NBDY: variants seen among roughly 807,000 people sequenced by gnomAD.
NBDY encodes the protein negative regulator of P-body association, also known as P-body dissociating protein.
chrX:56,782,934 A>G lies in NBDY; in HGVS notation c.*167-34386A>G, dbSNP rs777136801. Among the ~76,000 whole-genome samples the G allele has an allele frequency of 6.2e-5, 7 of 112,523 alleles. No homozygotes were observed. In the South Asian group the frequency reaches 2.2e-3, roughly 35 times the overall value. On this transcript the variant is annotated intron_variant, in intron 2 of 2. Coordinates refer to ENST00000374922, the MANE Select transcript of NBDY (RefSeq NM_001348129.2). Reference sequence around the variant, plus strand: ...GAGACTCATGCACACACAGACACAAACACACACATTAAACACGCCTAAGCG... The same window carrying G: ...GAGACTCATGCACACACAGACACAAGCACACACATTAAACACGCCTAAGCG...
chrX:56,782,045 C>A (rs2069694928), intron 2 of NBDY, among the ~76,000 whole-genome samples: 1 of 111,201 alleles, frequency 9.0e-6, no homozygotes, highest in African/African-American at 3.3e-5. Flanking sequence ...TGATCCCACT[C>A]AGGAAAGATC....
chrX:56,753,747 T>A (rs776995433), intron 2 of NBDY, among the ~76,000 whole-genome samples: 1 of 110,554 alleles, frequency 9.0e-6, no homozygotes, highest in Non-Finnish European at 1.9e-5. Flanking sequence ...AATATTTTTA[T>A]AAGAGAAGGA....
At chrX:56,760,512 C>T (rs2069632654) in intron 2 of NBDY, among the ~76,000 whole-genome samples, 1 of 111,852 alleles carries the variant, frequency 8.9e-6, no homozygotes, top group Admixed American at 9.5e-5. Context: ...ATGGAGAAAC[C>T]CTGTCTCTAT....
intron 2 of NBDY, among the ~76,000 whole-genome samples, chrX:56,781,545 G>C (rs1418944211): frequency 8.9e-6 from 1 of 112,117 alleles, no homozygotes; most frequent in African/African-American, 3.3e-5. Context: ...TCCATATGAT[G>C]AACTCTGCTT....
chrX:56,801,120 C>A (rs182819826), intron 2 of NBDY, among the ~76,000 whole-genome samples: 2 of 111,365 alleles, frequency 1.8e-5, no homozygotes, highest in Non-Finnish European at 3.8e-5. Flanking sequence ...TGATACCACT[C>A]GGAAAAGAAC....
chrX:56,736,270 AT>A (rs1023556180), intron 2 of NBDY, among the ~76,000 whole-genome samples: 2 of 111,487 alleles, frequency 1.8e-5, no homozygotes, highest in Non-Finnish European at 3.8e-5. Context: ...GAATAATTCT[AT>A]TTTTTTCTTT....
At chrX:56,741,597 C>A (rs753765244) in intron 2 of NBDY, among the ~76,000 whole-genome samples, 1 of 111,864 alleles carries the variant, frequency 8.9e-6, no homozygotes, top group Non-Finnish European at 1.9e-5. Flanking sequence ...TGATCAACTA[C>A]AATGAGTACT....
chrX:56,815,531 T>G (rs1303080133), intron 2 of NBDY, among the ~76,000 whole-genome samples: 2 of 111,768 alleles, frequency 1.8e-5, no homozygotes, highest in Admixed American at 1.9e-4. Context: ...TTTGGAGAAT[T>G]GTTTACTGAA....
chrX:56,744,507 C>A (rs1228197969), intron 2 of NBDY, among the ~76,000 whole-genome samples: 2 of 110,822 alleles, frequency 1.8e-5, no homozygotes, highest in East Asian at 5.6e-4. Flanking sequence ...TTTCTTTTAT[C>A]TTTTACAAAA....
At chrX:56,745,646 T>C (rs1277872266) in intron 2 of NBDY, among the ~76,000 whole-genome samples, 1 of 111,493 alleles carries the variant, frequency 9.0e-6, no homozygotes, top group East Asian at 2.8e-4. Flanking sequence ...TTATTTGTTT[T>C]GGTCCAGGAT....
intron 2 of NBDY, among the ~76,000 whole-genome samples, chrX:56,747,406 G>A (rs773488940): frequency 9.0e-6 from 1 of 111,684 alleles, no homozygotes; most frequent in East Asian, 2.8e-4. Context: ...GAGGTACTAA[G>A]TAAGGATGGA....
At chrX:56,739,283 T>TA (rs2069518908) in intron 2 of NBDY, among the ~76,000 whole-genome samples, 1 of 65,061 alleles carries the variant, frequency 1.5e-5, no homozygotes, top group Non-Finnish European at 2.6e-5. Flanking sequence ...TATATATATT[T>TA]TTATATATAT....
chrX:56,729,277 G>T lies in NBDY; in HGVS notation c.-77G>T, dbSNP rs2069445792. On this transcript the variant is annotated 5_prime_UTR_variant, in exon 1 of 3. Coordinates refer to ENST00000374922, the MANE Select transcript of NBDY (RefSeq NM_001348129.2). The stretch of plus-strand genomic sequence containing the variant: ...GGAAGCCAGCTCTGTGCCTGGAGGG[G>T]ACTCGCCGCCATCTCAGGTCTCTTG... The T allele has an allele frequency of 3.4e-6, 1 of 293,246 alleles. No homozygotes were observed. Among genetic ancestry groups the T allele is most frequent in the Non-Finnish European group, 5.9e-6 (1 of 169,051 alleles). The allele number at this position is 293,246 out of a possible 1,213,427, so 24.2% of individuals were successfully genotyped here. A position where few individuals can be genotyped will look rare whatever the true frequency, so the allele number is the denominator to read the frequency against.
chrX:56,782,454 G>A (rs1165494437), intron 2 of NBDY, among the ~76,000 whole-genome samples: 1 of 111,459 alleles, frequency 9.0e-6, no homozygotes, highest in Non-Finnish European at 1.9e-5. Flanking sequence ...TTTGCTCCTT[G>A]GTGATTCAGC....
chrX:56,784,852 C>T (rs1010818611), intron 2 of NBDY, among the ~76,000 whole-genome samples: 1 of 112,311 alleles, frequency 8.9e-6, no homozygotes, highest in Non-Finnish European at 1.9e-5. Flanking sequence ...ATACAGCCCG[C>T]TTCTTGGGAT....
intron 2 of NBDY, among the ~76,000 whole-genome samples, chrX:56,810,507 A>C (rs1350350965): frequency 1.8e-5 from 2 of 108,797 alleles, no homozygotes; most frequent in Non-Finnish European, 3.8e-5. Flanking sequence ...TTGATCTTCA[A>C]TCTCTGATAT....
chrX:56,729,418 A>G lies in NBDY; in HGVS notation c.65A>G (p.Lys22Arg), dbSNP rs189457287. 5.1e-5 allele frequency: 15 copies of G among 295,341 alleles called. No homozygotes were observed. Among genetic ancestry groups the G allele is most frequent in the South Asian group, 4.2e-4 (2 of 4,726 alleles). The allele number at this position is 295,341 out of a possible 1,213,427, so 24.3% of individuals were successfully genotyped here. ...TLPPGNAREAKPPKKRCLLAP... is the reference protein window; with the variant it reads ...TLPPGNAREARPPKKRCLLAP... Reference sequence around the variant, plus strand: ...CCACCTGGAAACGCACGGGAAGCCAAGCCTCCAAAAAAGCGCTGCCTCCTC... The same window carrying G: ...CCACCTGGAAACGCACGGGAAGCCAGGCCTCCAAAAAAGCGCTGCCTCCTC... The change falls in exon 1 of 3, where the codon AAG becomes AGG. Residue 22 changes from lysine (K) to arginine (R), a missense_variant. By Grantham distance (26) the Lys-to-Arg change is conservative (BLOSUM62 2). Transcript: ENST00000374922.
chrX:56,808,494 T>A (rs1051601542), intron 2 of NBDY, among the ~76,000 whole-genome samples: 2 of 112,342 alleles, frequency 1.8e-5, no homozygotes, highest in African/African-American at 6.5e-5. Context: ...TGGGAGAAGG[T>A]ACATGTCCAG....
At chrX:56,816,380 C>A (rs758874280) in intron 2 of NBDY, among the ~76,000 whole-genome samples, 1 of 111,148 alleles carries the variant, frequency 9.0e-6, no homozygotes, top group African/African-American at 3.3e-5. Context: ...TTATCTCTAT[C>A]GTAATTTTAA....
Sources: gnomAD v4.1 joint callset for allele counts (sites outside exome capture counted in the v4.1 genomes callset) on GRCh38, gnomAD v4.1.1 for gene constraint, MANE v1.5 for transcripts, NCBI Gene and HGNC (gene_info 2026-07-23, HGNC 2026-07-21) for gene names.